The following NTNG1 variants were observed in gnomAD, a reference collection of about 807,000 sequenced individuals.
NTNG1 encodes the protein netrin G1.
A neutral mutation model predicts 54.0 loss-of-function variants in NTNG1; 16 were observed. The ratio of observed to expected loss-of-function variants is 0.30; its 90% confidence interval spans 0.20 to 0.45. NTNG1 has a LOEUF of 0.45. NTNG1 is among the 20% of genes least tolerant of loss of function. NTNG1 has a pLI of 1.00. For synonymous variants in NTNG1, 255 were observed against 263.1 expected (o/e 0.97, Z 0.30); for missense variants, 530 against 678.7 (o/e 0.78, Z 2.43).
intron 5 of NTNG1, among the ~76,000 whole-genome samples, chr1:107,420,137 A>G (rs979314148): frequency 1.3e-5 from 2 of 152,074 alleles, no homozygotes; most frequent in Non-Finnish European, 2.9e-5. Flanking sequence ...TGAGCTGAAC[A>G]AGATTATGCA....
At chr1:107,445,095 C>A (rs192905512) in intron 7 of NTNG1, among the ~76,000 whole-genome samples, 1 of 152,222 alleles carries the variant, frequency 6.6e-6, no homozygotes, top group East Asian at 1.9e-4. Context: ...AAGTTCTCAG[C>A]CCCCAGCGGA....
intron 3 of NTNG1, among the ~76,000 whole-genome samples, chr1:107,357,594 A>G (rs1670010802): frequency 1.3e-5 from 2 of 152,246 alleles, no homozygotes; most frequent in African/African-American, 4.8e-5. Context: ...ATGGCCAGAA[A>G]TCCTGAATCA....
chr1:107,333,446 T>C (rs1012241278), intron 3 of NTNG1, among the ~76,000 whole-genome samples: 1 of 152,002 alleles, frequency 6.6e-6, no homozygotes, highest in Non-Finnish European at 1.5e-5. Context: ...ACAATGTATA[T>C]TCATATATTA....
At chr1:107,244,966 C>A (rs751603190) in intron 2 of NTNG1, among the ~76,000 whole-genome samples, 2 of 152,138 alleles carry the variant, frequency 1.3e-5, no homozygotes, top group Non-Finnish European at 2.9e-5. Context: ...TTTTCTCCTG[C>A]TGATACTGAT....
chr1:107,202,015 T>G (rs908142922), intron 2 of NTNG1, among the ~76,000 whole-genome samples: 1 of 152,050 alleles, frequency 6.6e-6, no homozygotes, highest in East Asian at 1.9e-4. Flanking sequence ...ATAGTTCTTT[T>G]GGCTTTAAAT....
intron 2 of NTNG1, among the ~76,000 whole-genome samples, chr1:107,190,263 CACTT>C (rs1657802015): frequency 6.6e-6 from 1 of 152,050 alleles, no homozygotes; most frequent in Non-Finnish European, 1.5e-5. Flanking sequence ...AATGTTAACT[CACTT>C]AATTCCACTG....
Position 107,216,089 on chromosome 1 carries a change from C to A in NTNG1, c.246+67250C>A, listed in dbSNP as rs903784530. 2.6e-5 allele frequency among the ~76,000 whole-genome samples: 4 copies of A among 152,134 alleles called. No homozygotes were observed. The East Asian group carries it at 7.7e-4, about 29-fold the overall frequency. On this transcript the variant is annotated intron_variant, in intron 2 of 7. Transcript: ENST00000370068. ...TCAAGGTATACAATCATGTCATCAG[C>A]AAACAGAGACAGTTTGACTTCCTCT...
chr1:107,472,199 A>C (rs1678025852), intron 7 of NTNG1, among the ~76,000 whole-genome samples: 1 of 152,276 alleles, frequency 6.6e-6, no homozygotes, highest in Non-Finnish European at 1.5e-5. Flanking sequence ...ATGGGGCAGC[A>C]GATAAGACTG....
intron 3 of NTNG1, among the ~76,000 whole-genome samples, chr1:107,361,360 C>CATATATATATACATATATATAT (rs1557932759): frequency 9.1e-6 from 1 of 109,338 alleles, no homozygotes; most frequent in Non-Finnish European, 1.7e-5. Flanking sequence ...CATTATATAA[C>CATATATATATACATATATATAT]ATATATATAT....
chr1:107,224,523 C>T (rs1038266083), intron 2 of NTNG1, among the ~76,000 whole-genome samples: 5 of 152,062 alleles, frequency 3.3e-5, no homozygotes, highest in Non-Finnish European at 5.9e-5. Context: ...CTAAACCTTC[C>T]CCACTCAGGG....
intron 2 of NTNG1, among the ~76,000 whole-genome samples, chr1:107,298,316 C>G (rs1666103833): frequency 6.6e-6 from 1 of 152,072 alleles, no homozygotes; most frequent in East Asian, 1.9e-4. Flanking sequence ...AGGAAAGTCA[C>G]TTTACTTCGA....
intron 2 of NTNG1, among the ~76,000 whole-genome samples, chr1:107,170,712 AG>A (rs929598911): frequency 3.9e-5 from 6 of 151,938 alleles, no homozygotes; most frequent in Non-Finnish European, 5.9e-5. Context: ...ATTTTTCTTG[AG>A]GGGGAAAAAA....
chr1:107,199,451 A>G (rs1351842061), intron 2 of NTNG1, among the ~76,000 whole-genome samples: 3 of 151,954 alleles, frequency 2.0e-5, no homozygotes, highest in Non-Finnish European at 4.4e-5. Context: ...TTGCAGTCCT[A>G]TAATCATTGC....
chr1:107,248,124 C>T (rs1035571761), intron 2 of NTNG1, among the ~76,000 whole-genome samples: 38 of 152,232 alleles, frequency 2.5e-4, no homozygotes, highest in African/African-American at 8.7e-4. Context: ...ACTGTGTATA[C>T]TATTATTGTA....
At chr1:107,439,694 A>G (rs1675844036) in intron 7 of NTNG1, among the ~76,000 whole-genome samples, 1 of 151,982 alleles carries the variant, frequency 6.6e-6, no homozygotes, top group African/African-American at 2.4e-5. Flanking sequence ...TTCTTCTGTC[A>G]GTTAGTAAAT....
At chr1:107,375,140 G>A (rs1179267821) in intron 3 of NTNG1, among the ~76,000 whole-genome samples, 1 of 152,104 alleles carries the variant, frequency 6.6e-6, no homozygotes, top group Non-Finnish European at 1.5e-5. Flanking sequence ...AATCGTTCAG[G>A]GGGACCATGT....
intron 2 of NTNG1, among the ~76,000 whole-genome samples, chr1:107,224,862 C>T (rs6689942): frequency 0.038 from 5,826 of 152,176 alleles, 301 homozygotes; most frequent in African/African-American, 0.12. Context: ...TGGTGTCAGA[C>T]AGAATCTGGT....
Position 107,360,264 on chromosome 1 carries a change from G to T in NTNG1, c.888-34890G>T, listed in dbSNP as rs556221711. On this transcript the variant is annotated intron_variant, in intron 3 of 7. Transcript: ENST00000370068. ...ATATACCATGAAGAAAAATGAATCA[G>T]GGTAAGGGAAAGAGAATAAGAAGAC... 5.3e-5 allele frequency among the ~76,000 whole-genome samples: 8 copies of T among 152,256 alleles called. No individual in the cohort carries two copies. The South Asian group carries it at 1.5e-3, about 28-fold the overall frequency.
intron 2 of NTNG1, among the ~76,000 whole-genome samples, chr1:107,313,508 A>G (rs1320493205): frequency 6.6e-6 from 1 of 152,166 alleles, no homozygotes; most frequent in Non-Finnish European, 1.5e-5. Context: ...AGAGTCATCG[A>G]AGTGTAAGTG....
Sources: allele counts gnomAD v4.1 joint callset (sites outside exome capture counted in the v4.1 genomes callset), GRCh38; gene constraint gnomAD v4.1.1; transcripts MANE v1.5; gene names NCBI Gene and HGNC (gene_info 2026-07-23, HGNC 2026-07-21).